The following ZBTB20 variants were observed in gnomAD, a reference collection of about 807,000 sequenced individuals.
ZBTB20 encodes zinc finger and BTB domain containing 20, also known as zinc finger and BTB domain-containing protein 20.
ZBTB20 carries 9 observed loss-of-function variants against 56.9 expected under a neutral mutation model. That is an observed-to-expected ratio of 0.16 (90% confidence interval 0.10 to 0.28). The LOEUF (loss-of-function observed/expected upper bound fraction) is 0.28, where lower values mean the gene tolerates loss of function less well. ZBTB20 is among the 10% of genes least tolerant of loss of function. The pLI, the probability that ZBTB20 is intolerant of heterozygous loss-of-function variation, is 1.00. For missense variants in ZBTB20, 655 were observed against 1,003.0 expected (o/e 0.65, Z 4.69); for synonymous variants, 417 against 420.7 (o/e 0.99, Z 0.11).
At chr3:114,597,763 G>A (rs1227387271) in intron 6 of ZBTB20, among the ~76,000 whole-genome samples, 1 of 152,048 alleles carries the variant, frequency 6.6e-6, no homozygotes, top group African/African-American at 2.4e-5. Context: ...TCTCTGTTTT[G>A]GATACATGGG....
chr3:114,732,071 T>A (rs1427329163), intron 5 of ZBTB20, among the ~76,000 whole-genome samples: 5 of 152,196 alleles, frequency 3.3e-5, no homozygotes, highest in African/African-American at 1.2e-4. Flanking sequence ...CTTCTTTCAG[T>A]GGATCATGAT....
chr3:115,088,423 T>TA (rs925736253), intron 1 of ZBTB20, among the ~76,000 whole-genome samples: 6 of 151,488 alleles, frequency 4.0e-5, no homozygotes, highest in Admixed American at 6.6e-5. Context: ...GGTCTTCCTT[T>TA]AAAAAAAATG....
At chr3:114,653,780 G>A (rs2060253158) in intron 6 of ZBTB20, among the ~76,000 whole-genome samples, 1 of 151,730 alleles carries the variant, frequency 6.6e-6, no homozygotes, top group Admixed American at 6.6e-5. Flanking sequence ...TGCTTTTGAC[G>A]ACAAATTCAA....
At chr3:114,488,465 A>G (rs1425543081) in intron 7 of ZBTB20, among the ~76,000 whole-genome samples, 1 of 152,256 alleles carries the variant, frequency 6.6e-6, no homozygotes, top group Non-Finnish European at 1.5e-5. Flanking sequence ...TCATGTAATA[A>G]AATTTAAAAT....
chr3:114,839,657 T>A (rs184092885), intron 4 of ZBTB20, among the ~76,000 whole-genome samples: 293 of 152,232 alleles, frequency 1.9e-3, no homozygotes, highest in African/African-American at 6.6e-3. Context: ...GGAAAAAGGA[T>A]CTGTGCAGAT....
intron 10 of ZBTB20, among the ~76,000 whole-genome samples, chr3:114,377,617 A>ATG (rs2083804514): frequency 6.6e-6 from 1 of 152,178 alleles, no homozygotes; most frequent in Non-Finnish European, 1.5e-5. Flanking sequence ...CCAGTCACCA[A>ATG]TATGAGTAGT....
chr3:114,784,002 T>A (rs1332005729), intron 5 of ZBTB20, among the ~76,000 whole-genome samples: 1 of 152,124 alleles, frequency 6.6e-6, no homozygotes, highest in Non-Finnish European at 1.5e-5. Flanking sequence ...GAGGAGAAGT[T>A]AAAGTTGGTC....
chr3:114,416,083 G>A (rs1193817500), intron 7 of ZBTB20, among the ~76,000 whole-genome samples: 1 of 152,028 alleles, frequency 6.6e-6, no homozygotes, highest in Non-Finnish European at 1.5e-5. Context: ...GGTGGGAAAT[G>A]ACTTAGCCAG....
intron 6 of ZBTB20, among the ~76,000 whole-genome samples, chr3:114,566,013 TC>T (rs143972114): frequency 0.027 from 3,770 of 141,412 alleles, 161 homozygotes; most frequent in African/African-American, 0.093. Flanking sequence ...TCTTTTTTTT[TC>T]TTTTTTTAAA....
At chr3:114,970,411 G>T (rs565443656) in intron 3 of ZBTB20, among the ~76,000 whole-genome samples, 1 of 152,300 alleles carries the variant, frequency 6.6e-6, no homozygotes, top group East Asian at 1.9e-4. Context: ...ATGGTAGACA[G>T]GGAGAAAGCA....
At chr3:114,629,716 A>G (rs1170541641) in intron 6 of ZBTB20, among the ~76,000 whole-genome samples, 1 of 152,188 alleles carries the variant, frequency 6.6e-6, no homozygotes, top group Non-Finnish European at 1.5e-5. Context: ...TTATTTTAAT[A>G]TTCTTTGGGT....
chr3:114,435,194 T>C (rs888184227), intron 7 of ZBTB20, among the ~76,000 whole-genome samples: 1 of 152,064 alleles, frequency 6.6e-6, no homozygotes, highest in Non-Finnish European at 1.5e-5. Flanking sequence ...TTTATTATCA[T>C]ATGAAAAGCT....
chr3:115,121,706 C>A (rs2084185803), intron 1 of ZBTB20, among the ~76,000 whole-genome samples: 2 of 151,888 alleles, frequency 1.3e-5, no homozygotes, highest in Admixed American at 6.6e-5. Context: ...TAGAGATGGG[C>A]TTATCTTCAA....
chr3:114,523,266 T>G (rs1026005903), intron 6 of ZBTB20, among the ~76,000 whole-genome samples: 3 of 152,090 alleles, frequency 2.0e-5, no homozygotes, highest in African/African-American at 7.2e-5. Flanking sequence ...AACATGGAAG[T>G]CATTGGTGAC....
intron 2 of ZBTB20, among the ~76,000 whole-genome samples, chr3:114,993,453 T>C (rs538742529): frequency 7.3e-4 from 111 of 151,992 alleles, no homozygotes; most frequent in Middle Eastern, 3.4e-3. Context: ...AACTTCACCT[T>C]TTGAAAATTG....
chr3:114,845,284 T>C (rs1579127709), intron 4 of ZBTB20, among the ~76,000 whole-genome samples: 1 of 150,124 alleles, frequency 6.7e-6, no homozygotes, highest in African/African-American at 2.5e-5. Flanking sequence ...ACTTAGTTCA[T>C]TGGCAGCACA....
intron 2 of ZBTB20, among the ~76,000 whole-genome samples, chr3:115,038,678 T>C (rs1255247621): frequency 6.6e-6 from 1 of 152,110 alleles, no homozygotes; most frequent in Non-Finnish European, 1.5e-5. Context: ...TCCAACATTA[T>C]AGAAATCATC....
intron 6 of ZBTB20, among the ~76,000 whole-genome samples, chr3:114,540,618 C>T (rs925008779): frequency 2.6e-5 from 4 of 152,094 alleles, no homozygotes; most frequent in African/African-American, 4.8e-5. Context: ...TTGTTCCCTT[C>T]TAATTTATCT....
chr3:114,492,687 A>G (rs1387085477), intron 7 of ZBTB20, among the ~76,000 whole-genome samples: 1 of 152,212 alleles, frequency 6.6e-6, no homozygotes, highest in Non-Finnish European at 1.5e-5. Flanking sequence ...ACCTTGATAT[A>G]TATTTTTAAA....
Sources: allele counts gnomAD v4.1 joint callset (sites outside exome capture counted in the v4.1 genomes callset), GRCh38; gene constraint gnomAD v4.1.1; transcripts MANE v1.5; gene names NCBI Gene and HGNC (gene_info 2026-07-23, HGNC 2026-07-21).